Variants in PCDHA6 observed in about 807,000 individuals in gnomAD.
PCDHA6 encodes protocadherin alpha 6.
PCDHA6 carries 55 observed loss-of-function variants against 60.3 expected under a neutral mutation model. The ratio of observed to expected loss-of-function variants is 0.91; its 90% CI spans 0.73 to 1.14. The LOEUF is 1.14. PCDHA6 is among the 50% of genes most tolerant of loss of function. PCDHA6 has a pLI of 0.00. For missense variants in PCDHA6, 1,327 were observed against 1,256.5 expected (o/e 1.06, Z -0.85); for synonymous variants, 652 against 557.9 (o/e 1.17, Z -2.38).
At chr5:140,928,309 G>C in intron 1 of PCDHA6, 1 of 1,614,124 alleles carries the variant, frequency 6.2e-7, no homozygotes, top group Non-Finnish European at 8.5e-7. Flanking sequence ...CCAGGACCCC[G>C]ACCTGGGGAA....
chr5:141,000,419 A>ATTTTTT (rs1563652468), intron 3 of PCDHA6, among the ~76,000 whole-genome samples: 3 of 60,996 alleles, frequency 4.9e-5, no homozygotes, highest in African/African-American at 7.6e-5. Context: ...ATATATATAT[A>ATTTTTT]TATTTTTTTT....
intron 1 of PCDHA6, chr5:140,870,336 C>T (rs782392888): frequency 2.3e-5 from 37 of 1,614,034 alleles, no homozygotes; most frequent in Non-Finnish European, 2.9e-5. Flanking sequence ...TGGACAGCGC[C>T]CTGGACCGCG....
In PCDHA6 at chr5:140,959,152, A is replaced by C. The variant is rs182353196; in HGVS notation, c.2395-19797A>C. 1.3e-4 allele frequency among the ~76,000 whole-genome samples: 20 copies of C among 152,108 alleles called. No individual in the cohort carries two copies. The East Asian group carries it at 3.9e-3, about 30-fold the overall frequency. ...CCCACTTTGGGAGGCCAAAGTGGGC[A>C]GATTGCTTGACCCCAGGAGTTCAGG... On this transcript the variant is annotated intron_variant, in intron 1 of 3. Coordinates refer to ENST00000529310, the MANE Select transcript of PCDHA6 (RefSeq NM_018909.4).
At position 140,836,981 on chromosome 5, in the gene PCDHA6, G is replaced by A. The variant is rs183710042; in HGVS notation, c.2394+6496G>A. ...TGTTGGCTACTCTCCATTTTTGGAG[G>A]AGGACTTTGCTAACTGGAGCAATGG... On this transcript the variant is annotated intron_variant, in intron 1 of 3. Coordinates refer to ENST00000529310, the MANE Select transcript of PCDHA6 (RefSeq NM_018909.4). 6.9e-5 allele frequency: 25 copies of A among 364,912 alleles called. 1 individual carries two copies. The highest frequency in any genetic ancestry group is 8.2e-5 in the Non-Finnish European group (17 of 207,076). The allele number at this position is 364,912 out of a possible 1,614,324, so 22.6% of individuals were successfully genotyped here.
chr5:140,985,977 G>A (rs1341198195), intron 3 of PCDHA6, among the ~76,000 whole-genome samples: 3 of 151,932 alleles, frequency 2.0e-5, no homozygotes, highest in African/African-American at 7.3e-5. Flanking sequence ...CTGACCTCGT[G>A]ATCCGCCCAC....
intron 1 of PCDHA6, chr5:140,884,243 C>A: frequency 6.2e-7 from 1 of 1,613,466 alleles, no homozygotes; most frequent in Non-Finnish European, 8.5e-7. Flanking sequence ...TGAGCCCGCG[C>A]TGACGGCCAC....
chr5:140,857,392 C>T lies in PCDHA6; in HGVS notation c.2394+26907C>T, dbSNP rs142727326. ...TGTCTGTGGAGGTGGCCGACGTGAA[C>T]GACAACGCGCCTGCGTTCGCGCAGT... On this transcript the variant is annotated intron_variant, in intron 1 of 3. Coordinates refer to ENST00000529310, the MANE Select transcript of PCDHA6 (RefSeq NM_018909.4). 2.9e-5 allele frequency: 46 copies of T among 1,598,470 alleles called. 4 individuals are homozygous for T. Among genetic ancestry groups the T allele is most frequent in the Non-Finnish European group, 3.6e-5 (42 of 1,167,894 alleles).
chr5:140,914,318 T>C (rs2076678777), intron 1 of PCDHA6, among the ~76,000 whole-genome samples: 6 of 152,216 alleles, frequency 3.9e-5, no homozygotes, highest in Admixed American at 3.9e-4. Flanking sequence ...CCCATTATCA[T>C]TGTACAAAGA....
At chr5:140,942,900 GA>G (rs1383279314) in intron 1 of PCDHA6, among the ~76,000 whole-genome samples, 1 of 151,718 alleles carries the variant, frequency 6.6e-6, no homozygotes, top group Non-Finnish European at 1.5e-5. Context: ...TTATCTCTAA[GA>G]ATAAGCGTGA....
intron 1 of PCDHA6, chr5:140,871,020 A>C (rs1554164982): frequency 6.2e-7 from 1 of 1,613,302 alleles, no homozygotes; most frequent in East Asian, 2.2e-5. Context: ...TGGACGAGGC[A>C]GACTCGCCGC....
chr5:140,828,665 A>T lies in PCDHA6; in HGVS notation c.574A>T (p.Ile192Phe). The change falls in exon 1 of 4, where the codon ATT becomes TTT. Residue 192 changes from isoleucine to phenylalanine, a missense_variant. By Grantham distance (21) the Ile-to-Phe change is conservative. Coordinates refer to ENST00000529310, the MANE Select transcript of PCDHA6 (RefSeq NM_018909.4). ...VKINSDDNKQ[I>F]GLLLKKSLDR... ...AATAAACAGTGATGACAATAAACAA[A>T]TTGGGCTCTTATTAAAGAAATCCTT... 6.2e-7 allele frequency: 1 copy of T among 1,614,220 alleles called. No individual in the cohort carries two copies. Among genetic ancestry groups the T allele is most frequent in the East Asian group, 2.2e-5 (1 of 44,890 alleles).
At chr5:140,834,123 CTT>C (rs1476989067) in intron 1 of PCDHA6, 8 of 438,204 alleles carry the variant, frequency 1.8e-5, no homozygotes, top group Admixed American at 7.9e-5. Flanking sequence ...TGAAATAAAA[CTT>C]TTCATCTGAT....
chr5:140,873,706 G>T (rs1419666886), intron 1 of PCDHA6, among the ~76,000 whole-genome samples: 1 of 152,132 alleles, frequency 6.6e-6, no homozygotes, highest in Non-Finnish European at 1.5e-5. Context: ...TATCACCCAG[G>T]CTGGTGTGCA....
intron 1 of PCDHA6, chr5:140,849,763 T>C (rs1554143274): frequency 1.3e-6 from 2 of 1,598,470 alleles, no homozygotes; most frequent in Non-Finnish European, 1.7e-6. Context: ...GCCTACGAGC[T>C]GGTGGTTACC....
intron 1 of PCDHA6, among the ~76,000 whole-genome samples, chr5:140,873,786 G>A (rs1354744282): frequency 3.3e-5 from 5 of 152,056 alleles, no homozygotes; most frequent in Non-Finnish European, 7.4e-5. Flanking sequence ...TCAGCTTTCC[G>A]AGAAGCTGGG....
intron 1 of PCDHA6, chr5:140,870,429 G>T (rs1198109995): frequency 6.2e-7 from 1 of 1,614,238 alleles, no homozygotes; most frequent in African/African-American, 1.3e-5. Flanking sequence ...GGGTATCCGT[G>T]GAGGTGGCCG....
chr5:140,927,513 C>G, intron 1 of PCDHA6: 1 of 1,614,062 alleles, frequency 6.2e-7, no homozygotes, highest in Non-Finnish European at 8.5e-7. Context: ...CAGCTCGGGA[C>G]GGCGGGCTAC....
chr5:140,907,997 T>G (rs1352895327), intron 1 of PCDHA6, among the ~76,000 whole-genome samples: 1 of 152,186 alleles, frequency 6.6e-6, no homozygotes, highest in East Asian at 1.9e-4. Flanking sequence ...TCCTTAACCA[T>G]CCAGCCAAAC....
chr5:140,925,033 C>G (rs1176042899), intron 1 of PCDHA6, among the ~76,000 whole-genome samples: 1 of 151,334 alleles, frequency 6.6e-6, no homozygotes, highest in Non-Finnish European at 1.5e-5. Flanking sequence ...ATCGCTTGAG[C>G]CCAGAAGTTT....
Sources: allele counts gnomAD v4.1 joint callset (sites outside exome capture counted in the v4.1 genomes callset), GRCh38; gene constraint gnomAD v4.1.1; transcripts MANE v1.5; gene names NCBI Gene and HGNC (gene_info 2026-07-23, HGNC 2026-07-21).